The following DCC variants were observed in gnomAD, a reference collection of about 807,000 sequenced individuals.
The protein encoded by DCC is netrin receptor DCC.
DCC carries 58 observed loss-of-function variants against 172.5 expected under a neutral mutation model. That is an observed-to-expected ratio of 0.34 (90% CI 0.27 to 0.42). The LOEUF (loss-of-function observed/expected upper bound fraction) is 0.42. DCC is among the 10% of genes least tolerant of loss of function. The pLI is 1.00. For missense variants in DCC, 1,740 were observed against 1,791.0 expected, an observed-to-expected ratio of 0.97 and a Z score of 0.51; for synonymous variants, 709 against 644.5, an observed-to-expected ratio of 1.10 and a Z score of -1.52.
chr18:53,013,542 G>C (rs1312706458), intron 5 of DCC, among the ~76,000 whole-genome samples: 1 of 151,832 alleles, frequency 6.6e-6, no homozygotes, highest in Non-Finnish European at 1.5e-5. Context: ...GCATTATCGG[G>C]GGGTGGGGAG....
chr18:52,427,136 T>A (rs1472907841), intron 1 of DCC, among the ~76,000 whole-genome samples: 1 of 152,136 alleles, frequency 6.6e-6, no homozygotes, highest in African/African-American at 2.4e-5. Context: ...AAGTACTTAC[T>A]ACTGGAAGGG....
chr18:53,118,480 T>G (rs1353393544), intron 7 of DCC, among the ~76,000 whole-genome samples: 5 of 151,770 alleles, frequency 3.3e-5, no homozygotes, highest in African/African-American at 4.8e-5. Context: ...TTCACTTGTT[T>G]CACTGACGAT....
chr18:53,503,914 T>G (rs2046136099), intron 27 of DCC, among the ~76,000 whole-genome samples: 2 of 152,212 alleles, frequency 1.3e-5, no homozygotes, highest in Non-Finnish European at 2.9e-5. Context: ...TCTGATCTTT[T>G]CCATCTTCAA....
intron 1 of DCC, among the ~76,000 whole-genome samples, chr18:52,608,014 C>T (rs1248080183): frequency 6.6e-6 from 1 of 152,058 alleles, no homozygotes; most frequent in Non-Finnish European, 1.5e-5. Context: ...CCTCCGGGCC[C>T]TATTTTCAAG....
intron 1 of DCC, among the ~76,000 whole-genome samples, chr18:52,707,245 C>A (rs1256829035): frequency 1.3e-5 from 2 of 152,144 alleles, no homozygotes; most frequent in African/African-American, 2.4e-5. Context: ...ACTAGGGAGA[C>A]AAGAGCCCTG....
At chr18:52,395,517 A>C (rs1986191111) in intron 1 of DCC, among the ~76,000 whole-genome samples, 1 of 152,030 alleles carries the variant, frequency 6.6e-6, no homozygotes, top group Non-Finnish European at 1.5e-5. Context: ...CCCTTCAGGG[A>C]AACCAAAGAT....
rs375582002 is a variant in DCC at position 52,423,689 on chromosome 18, C to A, written c.91+82811C>A. Among the ~76,000 whole-genome samples the A allele has an allele frequency of 2.9e-4, 44 of 152,208 alleles. No homozygotes were observed. In the South Asian group the frequency reaches 9.1e-3, roughly 32 times the overall value. The stretch of plus-strand genomic sequence containing the variant: ...TTCAAATCAAACTTCTGTAATCTAT[C>A]CTCAGCTGTTGTGGTTTATGGCATT... On this transcript the variant is annotated intron_variant, in intron 1 of 28. Transcript: ENST00000442544.
intron 5 of DCC, among the ~76,000 whole-genome samples, chr18:53,038,698 G>T (rs1015232136): frequency 6.6e-6 from 1 of 151,940 alleles, no homozygotes; most frequent in South Asian, 2.1e-4. Context: ...TGAATTAATT[G>T]GCCAAAAATT....
chr18:53,435,817 T>G (rs1000804561), intron 22 of DCC, among the ~76,000 whole-genome samples: 1 of 152,052 alleles, frequency 6.6e-6, no homozygotes, highest in Non-Finnish European at 1.5e-5. Flanking sequence ...AAGGACAAGG[T>G]TGGTGTGGGG....
intron 7 of DCC, among the ~76,000 whole-genome samples, chr18:53,142,833 G>A (rs945525657): frequency 3.3e-5 from 5 of 152,042 alleles, no homozygotes; most frequent in Admixed American, 3.3e-4. Flanking sequence ...TCCAATCAAG[G>A]GAACCTCCTT....
chr18:52,821,957 T>C (rs902703724), intron 2 of DCC, among the ~76,000 whole-genome samples: 2 of 152,184 alleles, frequency 1.3e-5, no homozygotes, highest in Non-Finnish European at 2.9e-5. Context: ...AAGACAAATA[T>C]TTTGGGAGTC....
At chr18:53,283,473 TA>T (rs1484382507) in intron 12 of DCC, among the ~76,000 whole-genome samples, 2 of 152,182 alleles carry the variant, frequency 1.3e-5, no homozygotes, top group Non-Finnish European at 2.9e-5. Context: ...TGATGTATAT[TA>T]TTTTAAATGT....
chr18:53,336,074 C>T (rs896973664), intron 14 of DCC, among the ~76,000 whole-genome samples: 4 of 152,096 alleles, frequency 2.6e-5, no homozygotes, highest in African/African-American at 9.7e-5. Context: ...CCATATCAGG[C>T]TTCATTAATT....
intron 1 of DCC, among the ~76,000 whole-genome samples, chr18:52,373,888 A>ATTTT (rs1296846491): frequency 5.5e-5 from 7 of 127,334 alleles, no homozygotes; most frequent in African/African-American, 9.0e-5. Flanking sequence ...TGGTTGCATC[A>ATTTT]TTTTTTTTTT....
In DCC at chr18:52,587,161, AC is replaced by A. The variant is rs569527997; in HGVS notation, c.92-164890del. 1.3e-4 allele frequency among the ~76,000 whole-genome samples: 20 copies of A among 152,266 alleles called. No individual in the cohort carries two copies. The South Asian group carries it at 4.2e-3, about 32-fold the overall frequency. On this transcript the variant is annotated intron_variant, in intron 1 of 28. Transcript: ENST00000442544. ...CTTAACACCAGGTAGCTGGCTGATC[AC>A]CCTGAGGAATGGTGCTATATCGCGG...
At chr18:53,315,877 G>T (rs376200429) in intron 13 of DCC, among the ~76,000 whole-genome samples, 5 of 152,060 alleles carry the variant, frequency 3.3e-5, no homozygotes, top group African/African-American at 1.2e-4. Flanking sequence ...CCCTTTGTCA[G>T]ATGGATAGAT....
intron 2 of DCC, among the ~76,000 whole-genome samples, chr18:52,777,622 C>A (rs2037457711): frequency 6.6e-6 from 1 of 151,934 alleles, no homozygotes; most frequent in South Asian, 2.1e-4. Flanking sequence ...GTGGTGGGGA[C>A]AATATTCAGC....
At chr18:53,211,471 C>T (rs1162804563) in intron 11 of DCC, among the ~76,000 whole-genome samples, 2 of 152,194 alleles carry the variant, frequency 1.3e-5, no homozygotes, top group African/African-American at 4.8e-5. Context: ...CTCTTGTAAT[C>T]CCAGCACTGT....
intron 1 of DCC, among the ~76,000 whole-genome samples, chr18:52,464,178 A>G (rs1044486820): frequency 5.0e-4 from 76 of 152,188 alleles, no homozygotes; most frequent in Admixed American, 6.5e-5. Flanking sequence ...TTTATCTTCA[A>G]ATAGAATGTT....
Sources: allele counts gnomAD v4.1 joint callset (sites outside exome capture counted in the v4.1 genomes callset), GRCh38; gene constraint gnomAD v4.1.1; transcripts MANE v1.5; gene names NCBI Gene and HGNC (gene_info 2026-07-23, HGNC 2026-07-21).